FAF1: variants seen among roughly 807,000 people sequenced by gnomAD.
FAF1 encodes Fas associated factor 1.
A neutral mutation model predicts 92.5 loss-of-function variants in FAF1; 25 were observed. That is an observed-to-expected ratio of 0.27 (90% CI 0.20 to 0.38). The LOEUF (loss-of-function observed/expected upper bound fraction) is 0.38. Among genes scored for constraint, FAF1 ranks in the 10% least tolerant of loss-of-function variants. The pLI is 1.00. For missense variants in FAF1, 636 were observed against 793.3 expected (o/e 0.80, Z 2.38); for synonymous variants, 234 against 273.2 (o/e 0.86, Z 1.42).
intron 7 of FAF1, among the ~76,000 whole-genome samples, chr1:50,657,492 A>G (rs988539612): frequency 3.9e-5 from 6 of 152,000 alleles, no homozygotes; most frequent in Admixed American, 3.3e-4. Context: ...AGCCCAGCAG[A>G]TAGAGGCAGC....
intron 1 of FAF1, among the ~76,000 whole-genome samples, chr1:50,938,629 A>G (rs1645105698): frequency 6.6e-6 from 1 of 152,142 alleles, no homozygotes; most frequent in Admixed American, 6.5e-5. Flanking sequence ...ACTTTTGGGG[A>G]CTTAACCAAA....
At position 50,541,128 on chromosome 1, in the gene FAF1, A is replaced by C. The variant is rs564220269; in HGVS notation, c.1269-1400T>G. On this transcript the variant is annotated intron_variant, in intron 13 of 18. Coordinates refer to ENST00000396153, the MANE Select transcript of FAF1 (RefSeq NM_007051.3). ...CAGAATCAAACCTCTTAATTTTTAAAGCCAATACATTTTCTGTCTATAGAA... is the reference window on the plus strand; with the variant it reads ...CAGAATCAAACCTCTTAATTTTTAACGCCAATACATTTTCTGTCTATAGAA... Among the ~76,000 whole-genome samples, 17 of 152,250 alleles carry C rather than the reference A, an allele frequency of 1.1e-4. No individual in the cohort carries two copies. In the East Asian group the frequency reaches 1.5e-3, roughly 14 times the overall value.
chr1:50,468,546 G>A (rs1161680928), intron 18 of FAF1, among the ~76,000 whole-genome samples: 1 of 149,388 alleles, frequency 6.7e-6, no homozygotes, highest in Non-Finnish European at 1.5e-5. Context: ...TGCAACCTCC[G>A]CCCTCCAAGT....
intron 6 of FAF1, among the ~76,000 whole-genome samples, chr1:50,708,469 G>A (rs144186467): frequency 6.6e-5 from 10 of 151,752 alleles, no homozygotes; most frequent in African/African-American, 2.2e-4. Context: ...TGAAGTTTTC[G>A]TTCAAAGTTT....
intron 1 of FAF1, among the ~76,000 whole-genome samples, chr1:50,926,583 G>A (rs1404534462): frequency 6.6e-6 from 1 of 151,298 alleles, no homozygotes; most frequent in African/African-American, 2.4e-5. Context: ...GACTTTAAAT[G>A]TTCTCAACAA....
intron 8 of FAF1, among the ~76,000 whole-genome samples, chr1:50,608,141 T>C (rs907035817): frequency 6.6e-6 from 1 of 152,202 alleles, no homozygotes; most frequent in African/African-American, 2.4e-5. Flanking sequence ...AAGGGGTGGT[T>C]ATGCAGAAAT....
At chr1:50,569,613 G>C (rs1420219246) in intron 12 of FAF1, among the ~76,000 whole-genome samples, 1 of 152,084 alleles carries the variant, frequency 6.6e-6, no homozygotes, top group Non-Finnish European at 1.5e-5. Flanking sequence ...CATTTAATGA[G>C]ACAGTGGGAA....
At chr1:50,906,372 G>C (rs1002733813) in intron 1 of FAF1, among the ~76,000 whole-genome samples, 3 of 152,008 alleles carry the variant, frequency 2.0e-5, no homozygotes, top group Non-Finnish European at 4.4e-5. Context: ...GCTCTTTTTT[G>C]GTTCCATATG....
chr1:50,863,376 GA>G (rs1426959473), intron 1 of FAF1, among the ~76,000 whole-genome samples: 6 of 151,836 alleles, frequency 4.0e-5, no homozygotes, highest in African/African-American at 1.2e-4. Flanking sequence ...GTACTAAGAG[GA>G]AAGTTCATAC....
At chr1:50,874,082 T>A (rs1178638987) in intron 1 of FAF1, among the ~76,000 whole-genome samples, 1 of 152,148 alleles carries the variant, frequency 6.6e-6, no homozygotes, top group Non-Finnish European at 1.5e-5. Context: ...ACCATTGCAA[T>A]GACACTGATT....
At chr1:50,619,787 T>C (rs1653103198) in intron 8 of FAF1, among the ~76,000 whole-genome samples, 1 of 152,182 alleles carries the variant, frequency 6.6e-6, no homozygotes, top group African/African-American at 2.4e-5. Context: ...GCATATCAAT[T>C]TTTGTAGTGA....
rs143452712 is a variant in FAF1 at position 50,942,625 on chromosome 1, G to A, written c.45+17142C>T. ...AGCTAAGAATCCACCCTACTTACTGGCAAGCTAACAACCTGGCCTGTTACA... is the reference window on the plus strand; with the variant it reads ...AGCTAAGAATCCACCCTACTTACTGACAAGCTAACAACCTGGCCTGTTACA... On this transcript the variant is annotated intron_variant, in intron 1 of 18. Coordinates refer to ENST00000396153, the MANE Select transcript of FAF1 (RefSeq NM_007051.3). Among the ~76,000 whole-genome samples the A allele has an allele frequency of 7.9e-5, 12 of 152,280 alleles. No individual in the cohort carries two copies. In the East Asian group the frequency reaches 2.1e-3, roughly 27 times the overall value.
intron 2 of FAF1, among the ~76,000 whole-genome samples, chr1:50,812,884 C>A (rs1317720447): frequency 1.3e-5 from 2 of 152,144 alleles, no homozygotes; most frequent in African/African-American, 4.8e-5. Flanking sequence ...AGAATAACTA[C>A]CCAGCCATAA....
In FAF1 at chr1:50,439,058, G is replaced by C. The variant is rs1267281250; in HGVS notation, c.*2382C>G. Reference sequence around the variant, plus strand: ...GAACACAAGGGAGTAAACTGGAATGGGGGATGACAAAGAGTCCTGGAGCTT... The same window carrying C: ...GAACACAAGGGAGTAAACTGGAATGCGGGATGACAAAGAGTCCTGGAGCTT... On this transcript the variant is annotated 3_prime_UTR_variant, in exon 19 of 19. Coordinates refer to ENST00000396153, the MANE Select transcript of FAF1 (RefSeq NM_007051.3). 1 of 152,224 alleles carries C rather than the reference G, an allele frequency of 6.6e-6. No homozygotes were observed. The highest frequency in any genetic ancestry group is 1.5e-5 in the Non-Finnish European group (1 of 68,040). 9.4% of individuals were successfully genotyped at this position (152,224 alleles called of 1,614,324 possible).
intron 2 of FAF1, among the ~76,000 whole-genome samples, chr1:50,834,728 T>A (rs1644185056): frequency 6.6e-6 from 1 of 152,168 alleles, no homozygotes; most frequent in African/African-American, 2.4e-5. Context: ...AGTGTGGGGA[T>A]TAGAAGGAGG....
intron 2 of FAF1, among the ~76,000 whole-genome samples, chr1:50,821,883 C>A (rs1009259833): frequency 1.3e-5 from 2 of 151,946 alleles, no homozygotes; most frequent in Non-Finnish European, 2.9e-5. Context: ...AGATTGCAGA[C>A]AACTTATTTC....
At chr1:50,871,623 T>C (rs1412713855) in intron 1 of FAF1, among the ~76,000 whole-genome samples, 1 of 152,210 alleles carries the variant, frequency 6.6e-6, no homozygotes, top group Non-Finnish European at 1.5e-5. Flanking sequence ...CTCAATATTT[T>C]AACCCAGCTT....
chr1:50,937,840 A>T (rs548706067), intron 1 of FAF1, among the ~76,000 whole-genome samples: 38 of 152,332 alleles, frequency 2.5e-4, no homozygotes, highest in African/African-American at 9.1e-4. Flanking sequence ...TGCCTGCCAC[A>T]GAGCAGATAA....
chr1:50,521,154 A>G (rs1396521085), intron 15 of FAF1, among the ~76,000 whole-genome samples: 1 of 152,202 alleles, frequency 6.6e-6, no homozygotes, highest in African/African-American at 2.4e-5. Flanking sequence ...ATAACCTCAC[A>G]TACTTATTGC....
Sources: gnomAD v4.1 joint callset for allele counts (sites outside exome capture counted in the v4.1 genomes callset) on GRCh38, gnomAD v4.1.1 for gene constraint, MANE v1.5 for transcripts, NCBI Gene and HGNC (gene_info 2026-07-23, HGNC 2026-07-21) for gene names.